The following CCNJ variants were observed in gnomAD, a reference collection of about 807,000 sequenced individuals.
The protein encoded by CCNJ is cyclin J, also known as cyclin-J.
A neutral mutation model predicts 41.4 loss-of-function variants in CCNJ; 12 were observed. That is an observed-to-expected ratio of 0.29 (90% CI 0.19 to 0.47). The LOEUF (loss-of-function observed/expected upper bound fraction) is 0.47. Ranked by LOEUF, CCNJ falls within the 20% of genes least tolerant of loss-of-function variation. The pLI, the probability that CCNJ is intolerant of heterozygous loss-of-function variation, is 1.00. For synonymous variants in CCNJ, 161 were observed against 173.4 expected (o/e 0.93, Z 0.56); for missense variants, 340 against 464.6 (o/e 0.73, Z 2.47).
rs1279594991 is a variant in CCNJ at position 96,058,727 on chromosome 10, AT to A, written c.*491del. 2.1e-5 allele frequency: 8 copies of A among 381,040 alleles called. No individual in the cohort carries two copies. The highest frequency in any genetic ancestry group is 7.5e-5 in the East Asian group (2 of 26,524). The allele number at this position is 381,040 out of a possible 1,614,324, so 23.6% of individuals were successfully genotyped here. On this transcript the variant is annotated 3_prime_UTR_variant, in exon 6 of 6. Transcript: ENST00000465148. ...TTTTTTATTTTTGTTCTACACATGA[AT>A]TTTTGACTAAGTTTAAACTCATGAA...
chr10:96,047,418 C>T (rs1177057668), intron 2 of CCNJ, among the ~76,000 whole-genome samples: 1 of 152,176 alleles, frequency 6.6e-6, no homozygotes, highest in Non-Finnish European at 1.5e-5. Flanking sequence ...AGGCTGAAAG[C>T]AGGTGGATCA....
chr10:96,052,739 C>T (rs2080564320), intron 3 of CCNJ, among the ~76,000 whole-genome samples: 1 of 152,148 alleles, frequency 6.6e-6, no homozygotes, highest in Non-Finnish European at 1.5e-5. Flanking sequence ...ACTGAAAGAA[C>T]TGGATACCTC....
At chr10:96,044,220 C>A (rs1175404033) in intron 1 of CCNJ, 133 bp from the exon 2 acceptor site, 2 of 426,480 alleles carry the variant, frequency 4.7e-6, no homozygotes, top group African/African-American at 4.1e-5. Flanking sequence ...CGACTCGGGT[C>A]GGGCTGGGTT....
chr10:96,053,977 G>A (rs1227992475), intron 3 of CCNJ, among the ~76,000 whole-genome samples: 4 of 152,016 alleles, frequency 2.6e-5, no homozygotes, highest in Admixed American at 1.3e-4. Flanking sequence ...ATAGAATGTG[G>A]GTTGGCAGAG....
At chr10:96,043,967 G>A (rs1407706289) in intron 1 of CCNJ, among the ~76,000 whole-genome samples, 2 of 152,198 alleles carry the variant, frequency 1.3e-5, no homozygotes, top group Non-Finnish European at 2.9e-5. Flanking sequence ...CCTCAGCGGG[G>A]CTATGAGCGT....
At chr10:96,043,451 A>C (rs1029460405), upstream of CCNJ, 1 of 381,640 alleles carries the variant, frequency 2.6e-6, no homozygotes, top group Non-Finnish European at 4.6e-6. Flanking sequence ...CTGGCGCTGC[A>C]CCTGGGCCCG....
rs1278368031 is a variant in CCNJ at position 96,060,214 on chromosome 10, T to G, written c.*1973T>G. 1 of 152,656 alleles carries G rather than the reference T, an allele frequency of 6.6e-6. No individual in the cohort carries two copies. Among genetic ancestry groups the G allele is most frequent in the Non-Finnish European group, 1.5e-5 (1 of 68,038 alleles). 9.5% of individuals were successfully genotyped at this position (152,656 alleles called of 1,614,324 possible). ...GGAGTCCAATTTTCAGTATTTTAAC[T>G]ACCTCAATAATGCTATGAATGTAAG... On this transcript the variant is annotated 3_prime_UTR_variant, in exon 6 of 6. Transcript: ENST00000465148.
chr10:96,057,279 C>G (rs1351893899), intron 5 of CCNJ, 32 bp downstream of exon 5: 6 of 1,590,134 alleles, frequency 3.8e-6, no homozygotes, highest in Non-Finnish European at 5.2e-6. Flanking sequence ...TTTGTACTTT[C>G]TCATTAACAG....
At chr10:96,045,743 A>C (rs2142025056) in intron 2 of CCNJ, among the ~76,000 whole-genome samples, 1 of 152,270 alleles carries the variant, frequency 6.6e-6, no homozygotes, top group South Asian at 2.1e-4. Context: ...TAAAAAAATT[A>C]ATATAGTTGC....
chr10:96,050,880 T>C (rs880518), intron 3 of CCNJ, among the ~76,000 whole-genome samples: 5,733 of 152,286 alleles, frequency 0.038, 246 homozygotes, highest in African/African-American at 0.099. Flanking sequence ...ACGTTTTGGT[T>C]GTCACATCTG....
intron 1 of CCNJ, 145 bp downstream of exon 1, chr10:96,043,864 G>T (rs1333758804): frequency 2.6e-6 from 1 of 381,688 alleles, no homozygotes; most frequent in African/African-American, 2.1e-5. Flanking sequence ...GCGTTTCTCG[G>T]GGCTCCCGGG....
In CCNJ at chr10:96,058,408, G is replaced by T. The variant is rs929879522; in HGVS notation, c.*167G>T. On this transcript the variant is annotated 3_prime_UTR_variant, in exon 6 of 6. Coordinates refer to ENST00000465148, the MANE Select transcript of CCNJ (RefSeq NM_001134375.2). ...TCCTTTTTAATGCACCATGAATCCT[G>T]GGAGACTAAGCAAATTAACAGTATG... 1 of 578,094 alleles carries T rather than the reference G, an allele frequency of 1.7e-6. No individual in the cohort carries two copies. Among genetic ancestry groups the T allele is most frequent in the Non-Finnish European group, 3.0e-6 (1 of 328,012 alleles). The allele number at this position is 578,094 out of a possible 1,614,324, so 35.8% of individuals were successfully genotyped here.
intron 2 of CCNJ, among the ~76,000 whole-genome samples, chr10:96,046,028 CGTGA>C (rs1453802097): frequency 6.9e-6 from 1 of 144,570 alleles, no homozygotes; most frequent in African/African-American, 2.6e-5. Flanking sequence ...CATTTTAATT[CGTGA>C]GTGATTATCT....
At position 96,058,701 on chromosome 10, in the gene CCNJ, A is replaced by G. The variant is rs139471024; in HGVS notation, c.*460A>G. ...TTGAAAAGGTTTTTTTTATTCTGCA[A>G]TTTTTTATTTTTGTTCTACACATGA... On this transcript the variant is annotated 3_prime_UTR_variant, in exon 6 of 6. Coordinates refer to ENST00000465148, the MANE Select transcript of CCNJ (RefSeq NM_001134375.2). 2.6e-4 allele frequency: 103 copies of G among 393,372 alleles called. No homozygotes were observed. Among genetic ancestry groups the G allele is most frequent in the African/African-American group, 1.7e-3 (82 of 48,562 alleles). 24.4% of individuals were successfully genotyped at this position (393,372 alleles called of 1,614,324 possible). A position where few individuals can be genotyped will look rare whatever the true frequency, so the allele number is the denominator to read the frequency against.
intron 3 of CCNJ, among the ~76,000 whole-genome samples, chr10:96,054,415 ATATT>A (rs1375753954): frequency 2.0e-5 from 3 of 152,212 alleles, no homozygotes; most frequent in East Asian, 3.8e-4. Context: ...ATGTATCTGA[ATATT>A]TATTACTATA....
At chr10:96,052,188 T>C (rs2080546180) in intron 3 of CCNJ, among the ~76,000 whole-genome samples, 1 of 152,186 alleles carries the variant, frequency 6.6e-6, no homozygotes, top group Admixed American at 6.5e-5. Flanking sequence ...TAAGTAATCA[T>C]GTGTGTAATA....
chr10:96,052,461 C>T (rs1298159962), intron 3 of CCNJ, among the ~76,000 whole-genome samples: 1 of 152,210 alleles, frequency 6.6e-6, no homozygotes, highest in African/African-American at 2.4e-5. Context: ...ACACTAGCAC[C>T]TGCTCTATGC....
At chr10:96,050,589 G>A (rs1028200595) in intron 3 of CCNJ, 123 bp downstream of exon 3, 7 of 721,844 alleles carry the variant, frequency 9.7e-6, no homozygotes, top group East Asian at 2.7e-5. Context: ...GTATCAAGAA[G>A]CTTATGTTAA....
At position 96,044,459 on chromosome 10, in the gene CCNJ, C is replaced by T; in HGVS notation, c.66C>T (p.Tyr22=). ...CCGATATTCACCAAGCGCTTCGCTACAAGGTAACTCCGAGGCCCGGCCTGC... is the reference window on the plus strand; with the variant it reads ...CCGATATTCACCAAGCGCTTCGCTATAAGGTAACTCCGAGGCCCGGCCTGC... ...LAADIHQALR[Y]KELKLPSYKG... The change falls in exon 2 of 6, where the codon TAC becomes TAT. Residue 22 remains tyrosine, a synonymous_variant. Coordinates refer to ENST00000465148, the MANE Select transcript of CCNJ (RefSeq NM_001134375.2). The T allele has an allele frequency of 2.6e-6, 4 of 1,545,476 alleles. No homozygotes were observed. Among genetic ancestry groups the T allele is most frequent in the South Asian group, 1.2e-5 (1 of 83,506 alleles).
Sources: gnomAD v4.1 joint callset for allele counts (sites outside exome capture counted in the v4.1 genomes callset) on GRCh38, gnomAD v4.1.1 for gene constraint, MANE v1.5 for transcripts, NCBI Gene and HGNC (gene_info 2026-07-23, HGNC 2026-07-21) for gene names.